POLD2: variants seen among roughly 807,000 people sequenced by gnomAD.
POLD2 encodes DNA polymerase delta subunit 2.
A neutral mutation model predicts 48.8 loss-of-function variants in POLD2; 31 were observed. That is an observed-to-expected ratio of 0.64 (90% CI 0.48 to 0.86). POLD2 has a LOEUF of 0.86. POLD2 is among the 40% of genes least tolerant of loss of function. The pLI, the probability that POLD2 is intolerant of heterozygous loss-of-function variation, is 0.00. For missense variants in POLD2, 455 were observed against 610.1 expected, an observed-to-expected ratio of 0.75 and a Z score of 2.68; for synonymous variants, 233 against 256.3, an observed-to-expected ratio of 0.91 and a Z score of 0.87.
Position 44,116,136 on chromosome 7 carries a change from T to C in POLD2, c.998A>G (p.Gln333Arg), listed in dbSNP as rs1364197715. Residue 333 changes from glutamine to arginine, a missense_variant, in exon 8 of 11, where the codon CAG becomes CGG. Transcript: ENST00000610533. The surrounding 1 kb of genome is among the most constrained non-coding windows in gnomAD (Gnocchi z 6.1). Reference protein sequence around the residue: ...STLQLVTNPYQATIDGVRFLG... With the variant: ...STLQLVTNPYRATIDGVRFLG... ...CTACCTGACTCCATCAATGGTGGCC[T>C]GGTAGGGGTTGGTGACCAGCTGGAG... 4.3e-6 allele frequency: 7 copies of C among 1,613,434 alleles called. No individual in the cohort carries two copies. Among genetic ancestry groups the C allele is most frequent in the African/African-American group, 1.3e-5 (1 of 74,882 alleles).
intron 2 of POLD2, among the ~76,000 whole-genome samples, chr7:44,119,965 G>A (rs2096246049): frequency 6.6e-6 from 1 of 152,186 alleles, no homozygotes; most frequent in Non-Finnish European, 1.5e-5. Context: ...ATGGGGCCAT[G>A]GGAAGACAAG....
chr7:44,116,034 C>T lies in POLD2; in HGVS notation c.1019+81G>A. 1 of 1,601,950 alleles carries T rather than the reference C, an allele frequency of 6.2e-7. No homozygotes were observed. The highest frequency in any genetic ancestry group is 2.2e-5 in the East Asian group (1 of 44,778). ...GGGCCTCTGCAGCCCTGCCACCTTC[C>T]TGGGCCCTCCCTCCCCTCCCTTCTT... On this transcript the variant is annotated intron_variant, in intron 8 of 10. Coordinates refer to ENST00000610533, the MANE Select transcript of POLD2 (RefSeq NM_006230.4). The surrounding 1 kb of genome is among the most constrained non-coding windows in gnomAD (Gnocchi z 6.1).
chr7:44,122,158 C>G (rs972337852), intron 1 of POLD2, 49 bp from the exon 2 acceptor site: 1 of 1,493,380 alleles, frequency 6.7e-7, no homozygotes, highest in Non-Finnish European at 9.0e-7. Context: ...TCCCCCAAAG[C>G]AGCAGCTCTC....
Position 44,121,839 on chromosome 7 carries a change from T to G in POLD2, c.215A>C (p.His72Pro). The G allele has an allele frequency of 5.6e-6, 9 of 1,612,482 alleles. No homozygotes were observed. Among genetic ancestry groups the G allele is most frequent in the African/African-American group, 1.3e-5 (1 of 75,014 alleles). The stretch of plus-strand genomic sequence containing the variant: ...CTTCCCAAACTCTCACTTACCCCAG[T>G]GCTGCTGGGCCCGGTTCTCCAGGAA... Reference protein sequence around the residue: ...RPFLENRAQQHWGSGVGVKKL... With the variant: ...RPFLENRAQQPWGSGVGVKKL... Residue 72 changes from histidine (H) to proline (P), a missense_variant, in exon 2 of 11, where the codon CAC becomes CCC. By Grantham distance (77) the His-to-Pro change is moderately conservative (BLOSUM62 -2). Around this residue, in one of 3 missense-constraint regions of POLD2, gnomAD observed 349 missense variants for 437.4 expected, o/e 0.80. Transcript: ENST00000610533. The surrounding 1 kb of genome is among the most constrained non-coding windows in gnomAD (Gnocchi z 4.5).
Position 44,115,323 on chromosome 7 carries a change from G to A in POLD2, c.1221C>T (p.Thr407=), listed in dbSNP as rs927001346. The change falls in exon 10 of 11, where the codon ACC becomes ACT. Residue 407 remains threonine, a synonymous_variant. Coordinates refer to ENST00000610533, the MANE Select transcript of POLD2 (RefSeq NM_006230.4). The stretch of plus-strand genomic sequence containing the variant: ...GGATGATTTTGGAGCCAAAGCTGGG[G>A]GTGTTGCCACAAAAGTAGACATGCG... The part of the protein sequence containing the change: ...ECPHVYFCGN[T]PSFGSKIIRG... 1 of 1,613,792 alleles carries A rather than the reference G, an allele frequency of 6.2e-7. No homozygotes were observed. Among genetic ancestry groups the A allele is most frequent in the Admixed American group, 1.7e-5 (1 of 60,028 alleles).
chr7:44,118,420 A>T (rs1406039986), intron 2 of POLD2: 1 of 188,718 alleles, frequency 5.3e-6, no homozygotes, highest in Admixed American at 5.7e-5. Context: ...TCGGGCCTTC[A>T]GAAGGAGCCA....
At chr7:44,123,561 G>A (rs1406547013), upstream of POLD2, 1 of 1,480,466 alleles carries the variant, frequency 6.8e-7, no homozygotes, top group South Asian at 1.3e-5. Context: ...CCCGCCCATC[G>A]CCGCAACTCG....
At position 44,116,355 on chromosome 7, in the gene POLD2, G is replaced by T. The variant is rs1002225027; in HGVS notation, c.861+75C>A. On this transcript the variant is annotated intron_variant, in intron 7 of 10. Transcript: ENST00000610533. The surrounding 1 kb of genome is among the most constrained non-coding windows in gnomAD (Gnocchi z 6.1). ...CTCCGGCCACTCCCCCTGCCCTCCT[G>T]CCTGCCTTCTGTTGCCCAGTGGCAG... 46 of 1,595,518 alleles carry T rather than the reference G, an allele frequency of 2.9e-5. No homozygotes were observed. In the African/African-American group the frequency reaches 5.9e-4, roughly 20 times the overall value.
chr7:44,123,178 C>T, intron 1 of POLD2: 2 of 1,152,856 alleles, frequency 1.7e-6, no homozygotes, highest in South Asian at 3.0e-5. Context: ...CGTACACCTA[C>T]TAGAAAGTTA....
intron 2 of POLD2, among the ~76,000 whole-genome samples, chr7:44,119,569 A>C (rs980556218): frequency 5.9e-5 from 9 of 152,246 alleles, no homozygotes; most frequent in African/African-American, 2.2e-4. Flanking sequence ...GCCAACGCTG[A>C]AAATGTGCCA....
intron 2 of POLD2, among the ~76,000 whole-genome samples, chr7:44,119,770 T>TGCCCCCACTC (rs1490956895): frequency 5.9e-5 from 9 of 152,322 alleles, no homozygotes; most frequent in African/African-American, 2.2e-4. Flanking sequence ...AGCCAACACT[T>TGCCCCCACTC]GCCCCCACTC....
chr7:44,123,601 G>T (rs3217945), upstream of POLD2: 3 of 1,434,264 alleles, frequency 2.1e-6, no homozygotes, highest in South Asian at 2.8e-5. Context: ...CCCGCCCATC[G>T]CCTAATCTCA....
rs748742926 is a variant in POLD2, at chr7:44,116,198, G to A, written c.936C>T (p.His312=). The change falls in exon 8 of 11, where the codon CAC becomes CAT. Residue 312 remains histidine (H), a synonymous_variant. Coordinates refer to ENST00000610533, the MANE Select transcript of POLD2 (RefSeq NM_006230.4). The surrounding 1 kb of genome is among the most constrained non-coding windows in gnomAD (Gnocchi z 6.1). ...TNYTLPQQPL[H]PCMFPLATAY... is the part of the protein sequence containing the mutation. ...CAGTGGCCAGCGGGAACATGCAGGG[G>A]TGGAGGGGCTGCTGGGGGAGCGTGT... 7 of 1,613,896 alleles carry A rather than the reference G, an allele frequency of 4.3e-6. No individual in the cohort carries two copies. Among genetic ancestry groups the A allele is most frequent in the African/African-American group, 2.7e-5 (2 of 74,930 alleles).
chr7:44,118,038 A>G lies in POLD2; in HGVS notation c.247T>C (p.Cys83Arg). 1 of 1,614,210 alleles carries G rather than the reference A, an allele frequency of 6.2e-7. No individual in the cohort carries two copies. Among genetic ancestry groups the G allele is most frequent in the Non-Finnish European group, 8.5e-7 (1 of 1,180,020 alleles). ...CACTTCTCCTCAGGCTGCAGTTCACACAGCTTCTTCACTCCCACTCCACTG... is the reference window on the plus strand; with the variant it reads ...CACTTCTCCTCAGGCTGCAGTTCACGCAGCTTCTTCACTCCCACTCCACTG... ...WGSGVGVKKL[C>R]ELQPEEKCCV... The change falls in exon 3 of 11, where the codon TGT becomes CGT. Residue 83 changes from cysteine to arginine, a missense_variant. Physicochemically the swap from Cys to Arg is radical, Grantham distance 180. This residue lies in a region of POLD2 where 349 missense variants were observed against 437.4 expected (regional missense o/e 0.80). Coordinates refer to ENST00000610533, the MANE Select transcript of POLD2 (RefSeq NM_006230.4).
In POLD2 at chr7:44,121,828, A is replaced by T; in HGVS notation, c.220+6T>A. The stretch of plus-strand genomic sequence containing the variant: ...GGGGGAAGCACCTTCCCAAACTCTC[A>T]CTTACCCCAGTGCTGCTGGGCCCGG... On this transcript the variant is annotated splice_donor_region_variant and intron_variant, in intron 2 of 10. Transcript: ENST00000610533. The surrounding 1 kb of genome is among the most constrained non-coding windows in gnomAD (Gnocchi z 4.5). 6.2e-7 allele frequency: 1 copy of T among 1,610,040 alleles called. No homozygotes were observed. The highest frequency in any genetic ancestry group is 1.1e-5 in the South Asian group (1 of 90,848).
Position 44,116,609 on chromosome 7 carries a change from G to A in POLD2, c.781-99C>T. 9.2e-7 allele frequency: 1 copy of A among 1,089,216 alleles called. No individual in the cohort carries two copies. Among genetic ancestry groups the A allele is most frequent in the South Asian group, 1.4e-5 (1 of 73,248 alleles). The allele number at this position is 1,089,216 out of a possible 1,614,324, so 67.5% of individuals were successfully genotyped here. On this transcript the variant is annotated intron_variant, in intron 6 of 10. Coordinates refer to ENST00000610533, the MANE Select transcript of POLD2 (RefSeq NM_006230.4). The surrounding 1 kb of genome is among the most constrained non-coding windows in gnomAD (Gnocchi z 6.1). ...TGGAAGATGCAGTTGTTGTCCCATA[G>A]ACCCTCACTCCCTTCAAGCCTCCCA...
chr7:44,115,021 C>T, intron 10 of POLD2, 76 bp from the exon 11 acceptor site: 1 of 1,311,156 alleles, frequency 7.6e-7, no homozygotes. Context: ...CAGAAATAAA[C>T]AGGAGTCCCC....
Position 44,120,319 on chromosome 7 carries a change from A to C in POLD2, c.220+1515T>G, listed in dbSNP as rs1489762797. The stretch of plus-strand genomic sequence containing the variant: ...TGGAAGAGAAATGTGCGACCAGAGG[A>C]GGTGCTGCCGGAAAGAATCTAGAAG... On this transcript the variant is annotated intron_variant, in intron 2 of 10. Transcript: ENST00000610533. Among the ~76,000 whole-genome samples, 4 of 152,154 alleles carry C rather than the reference A, an allele frequency of 2.6e-5. No homozygotes were observed. In the East Asian group the frequency reaches 7.7e-4, roughly 29 times the overall value.
chr7:44,114,780 T>C lies in POLD2; in HGVS notation c.*5A>G. ...GGCCTCTCTGGTCAAAACCACTTTT[T>C]TGAGTCAGGGGCCCAGCCCCAGGCC... On this transcript the variant is annotated 3_prime_UTR_variant, in exon 11 of 11. Transcript: ENST00000610533. 1 of 1,601,162 alleles carries C rather than the reference T, an allele frequency of 6.2e-7. No homozygotes were observed. The highest frequency in any genetic ancestry group is 2.2e-5 in the East Asian group (1 of 44,484).
Sources: gnomAD v4.1 joint callset for allele counts (sites outside exome capture counted in the v4.1 genomes callset) on GRCh38, gnomAD v4.1.1 for gene constraint, gnomAD v4.1.1 regional missense constraint, Gnocchi (gnomAD v3.1) non-coding constraint, MANE v1.5 for transcripts, NCBI Gene and HGNC (gene_info 2026-07-23, HGNC 2026-07-21) for gene names.